The following ANK2 variants were observed in gnomAD, a reference collection of about 807,000 sequenced individuals.
The protein encoded by ANK2 is ankyrin-2.
Under a neutral mutation model 360.5 loss-of-function variants are expected in ANK2, and 83 were observed. The ratio of observed to expected loss-of-function variants is 0.23; its 90% CI spans 0.19 to 0.28. ANK2 has a LOEUF of 0.28. ANK2 is among the 10% of genes least tolerant of loss of function. The probability of loss-of-function intolerance (pLI) is 1.00; values close to 1 mark genes in which losing one functional copy is unlikely to be tolerated. For synonymous variants in ANK2, 1,740 were observed against 1,759.5 expected (o/e 0.99, Z 0.28); for missense variants, 4,201 against 4,795.7 (o/e 0.88, Z 3.66).
At chr4:112,894,384 A>G (rs867184789) in intron 1 of ANK2, among the ~76,000 whole-genome samples, 26 of 152,232 alleles carry the variant, frequency 1.7e-4, no homozygotes, top group Middle Eastern at 3.4e-3. Context: ...AAATTTTTGT[A>G]TTTGGTGTTA....
intron 1 of ANK2, among the ~76,000 whole-genome samples, chr4:112,861,377 T>C (rs537007336): frequency 4.6e-5 from 7 of 152,358 alleles, no homozygotes; most frequent in African/African-American, 1.7e-4. Flanking sequence ...TGAAGCCATG[T>C]GTATCGGACT....
Position 113,274,549 on chromosome 4 carries a change from C to A in ANK2, c.1583C>A (p.Thr528Lys), listed in dbSNP as rs2153688509. 6.2e-7 allele frequency: 1 copy of A among 1,614,186 alleles called. No individual in the cohort carries two copies. The highest frequency in any genetic ancestry group is 8.5e-7 in the Non-Finnish European group (1 of 1,180,032). The change falls in exon 15 of 46, where the codon ACA becomes AAA. Residue 528 changes from threonine to lysine, a missense_variant. Around this residue, in one of 4 missense-constraint regions of ANK2, gnomAD observed 1,268 missense variants for 1,650.8 expected, o/e 0.77. Coordinates refer to ENST00000357077, the MANE Select transcript of ANK2 (RefSeq NM_001148.6). ...ATGGCTCATCCAGATGCGGCCACTA[C>A]AAATGGGTACACACCACTGCACATC... The part of the protein sequence containing the change: ...QHMAHPDAAT[T>K]NGYTPLHISA...
At chr4:113,171,275 G>C (rs1583736603) in intron 1 of ANK2, among the ~76,000 whole-genome samples, 1 of 152,126 alleles carries the variant, frequency 6.6e-6, no homozygotes, top group African/African-American at 2.4e-5. Context: ...AAGATAACCA[G>C]GCTAACCACT....
upstream of ANK2, among the ~76,000 whole-genome samples, chr4:112,816,449 C>G (rs62316305): frequency 0.096 from 14,537 of 151,820 alleles, 886 homozygotes; most frequent in Middle Eastern, 0.14. Flanking sequence ...TATTAAATGA[C>G]AAATTTATTA....
chr4:112,986,331 T>G (rs1319385778), intron 2 of ANK2, among the ~76,000 whole-genome samples: 32 of 152,192 alleles, frequency 2.1e-4, no homozygotes, highest in Non-Finnish European at 4.4e-5. Flanking sequence ...ACTATGAACA[T>G]AGAATTTGAG....
At chr4:112,736,132 CT>C in the ANK2 span, among the ~76,000 whole-genome samples, 3 of 152,026 alleles carry the variant, frequency 2.0e-5, no homozygotes, top group African/African-American at 4.8e-5. Flanking sequence ...ACTTAATAAC[CT>C]AATAGCTGCT....
chr4:112,822,782 A>C (rs180926309), intron 1 of ANK2, among the ~76,000 whole-genome samples: 2 of 151,902 alleles, frequency 1.3e-5, no homozygotes, highest in East Asian at 3.9e-4. Context: ...CAAAACAAAG[A>C]AAGAAAGATT....
chr4:112,869,081 C>T (rs78835026), intron 1 of ANK2, among the ~76,000 whole-genome samples: 4,164 of 152,034 alleles, frequency 0.027, 73 homozygotes, highest in Middle Eastern at 0.041. Context: ...CCGCTTAGTT[C>T]CCTGGGCAGC....
At chr4:113,003,001 C>A (rs948418044) in intron 2 of ANK2, among the ~76,000 whole-genome samples, 3 of 152,194 alleles carry the variant, frequency 2.0e-5, no homozygotes, top group Non-Finnish European at 4.4e-5. Flanking sequence ...CTTATGCAAC[C>A]ATCTGCCATG....
At chr4:113,351,683 A>ATTTT (rs2095422852) in intron 37 of ANK2, among the ~76,000 whole-genome samples, 1 of 152,032 alleles carries the variant, frequency 6.6e-6, no homozygotes, top group African/African-American at 2.4e-5. Context: ...ACTAGTAAGA[A>ATTTT]TTAAAAATTA....
the ANK2 span, among the ~76,000 whole-genome samples, chr4:112,749,899 C>A: frequency 3.9e-5 from 6 of 152,176 alleles, no homozygotes; most frequent in Non-Finnish European, 2.9e-5. Flanking sequence ...GCGCCCACCA[C>A]CACGCCCAGC....
intron 1 of ANK2, among the ~76,000 whole-genome samples, chr4:112,878,096 T>G (rs2075641413): frequency 6.6e-6 from 1 of 152,060 alleles, no homozygotes; most frequent in South Asian, 2.1e-4. Context: ...GTTTGAAACC[T>G]ATATGTAAAT....
chr4:112,881,813 A>T, intron 1 of ANK2: 1 of 924,348 alleles, frequency 1.1e-6, no homozygotes, highest in Non-Finnish European at 1.7e-6. Flanking sequence ...TGTCTTCTTT[A>T]ATGCCACCAA....
chr4:113,334,807 T>C (rs1381343867), intron 29 of ANK2, among the ~76,000 whole-genome samples: 1 of 142,110 alleles, frequency 7.0e-6, no homozygotes, highest in Non-Finnish European at 1.5e-5. Context: ...AGAAAGTTAA[T>C]AGATTAATTA....
upstream of ANK2, among the ~76,000 whole-genome samples, chr4:112,813,232 T>A (rs1377144449): frequency 8.4e-6 from 1 of 118,452 alleles, no homozygotes; most frequent in Admixed American, 1.0e-4. Context: ...AGTGAGACTC[T>A]GTCTAAAAAA....
At chr4:113,143,269 A>G (rs955257634) in intron 1 of ANK2, among the ~76,000 whole-genome samples, 3 of 34,696 alleles carry the variant, frequency 8.6e-5, no homozygotes, top group Non-Finnish European at 1.8e-4. Context: ...GACTTGCAAG[A>G]GAAAGGAAAG....
intron 2 of ANK2, among the ~76,000 whole-genome samples, chr4:112,907,753 T>G (rs1411502934): frequency 6.6e-6 from 1 of 152,204 alleles, no homozygotes. Flanking sequence ...TTAGTGATAG[T>G]ATATACTAAT....
intron 2 of ANK2, among the ~76,000 whole-genome samples, chr4:112,953,950 C>T (rs376014331): frequency 2.0e-5 from 3 of 151,730 alleles, no homozygotes; most frequent in South Asian, 4.2e-4. Flanking sequence ...TCCCCCCGCC[C>T]CCGTCTTTCT....
intron 45 of ANK2, among the ~76,000 whole-genome samples, chr4:113,378,415 T>C (rs555330876): frequency 3.3e-5 from 5 of 152,196 alleles, no homozygotes; most frequent in Non-Finnish European, 5.9e-5. Context: ...GACTCACGCT[T>C]ACACAGTCTG....
Sources: allele counts gnomAD v4.1 joint callset (sites outside exome capture counted in the v4.1 genomes callset), GRCh38; gene constraint gnomAD v4.1.1; regional missense constraint gnomAD v4.1.1; transcripts MANE v1.5; gene names NCBI Gene and HGNC (gene_info 2026-07-23, HGNC 2026-07-21).